Variants in CIMIP2C observed in about 807,000 individuals in gnomAD.
CIMIP2C encodes UPF0573 protein C2orf70.
the CIMIP2C span, chr2:26,579,422 T>C: frequency 6.2e-7 from 1 of 1,613,700 alleles, no homozygotes; most frequent in African/African-American, 1.3e-5. Flanking sequence ...GACTGCTACT[T>C]TGAGTTCAGA....
the CIMIP2C span, chr2:26,571,981 A>G: frequency 1.2e-6 from 1 of 805,224 alleles, no homozygotes; most frequent in Non-Finnish European, 1.8e-6. Context: ...AGTAGATTTG[A>G]GATAAGTGTT....
the CIMIP2C span, chr2:26,579,462 T>A: frequency 1.2e-6 from 2 of 1,607,780 alleles, no homozygotes; most frequent in Non-Finnish European, 1.7e-6. Context: ...GAGCAGAGCC[T>A]GATGCCTGAG....
the CIMIP2C span, among the ~76,000 whole-genome samples, chr2:26,573,007 C>G: frequency 6.6e-6 from 1 of 152,278 alleles, no homozygotes; most frequent in African/African-American, 2.4e-5. Flanking sequence ...AACTTGCTTA[C>G]ACGTCACAGG....
At chr2:26,566,980 G>C in the CIMIP2C span, among the ~76,000 whole-genome samples, 1 of 152,232 alleles carries the variant, frequency 6.6e-6, no homozygotes, top group Non-Finnish European at 1.5e-5. Flanking sequence ...AAAGTGCTGG[G>C]ATTATAGAAG....
the CIMIP2C span, among the ~76,000 whole-genome samples, chr2:26,567,414 C>T: frequency 6.6e-6 from 1 of 152,240 alleles, no homozygotes; most frequent in Non-Finnish European, 1.5e-5. Flanking sequence ...CTGTAAGTTT[C>T]CTGAGACTTC....
At chr2:26,574,791 G>A in the CIMIP2C span, among the ~76,000 whole-genome samples, 436 of 152,354 alleles carry the variant, frequency 2.9e-3, 3 homozygotes, top group African/African-American at 0.01. Context: ...GGAAGGGAGA[G>A]GTGGGTGATG....
the CIMIP2C span, among the ~76,000 whole-genome samples, chr2:26,567,649 C>T: frequency 2.0e-5 from 3 of 152,218 alleles, no homozygotes; most frequent in African/African-American, 7.2e-5. Flanking sequence ...CAGGCCCTGG[C>T]ACCCGAGGTG....
chr2:26,564,519 G>A, the CIMIP2C span, among the ~76,000 whole-genome samples: 1 of 152,208 alleles, frequency 6.6e-6, no homozygotes, highest in East Asian at 1.9e-4. Flanking sequence ...AGCTGAGCCC[G>A]TATCTGCTGC....
the CIMIP2C span, chr2:26,575,885 C>T: frequency 1.8e-5 from 29 of 1,609,432 alleles, no homozygotes; most frequent in Admixed American, 3.3e-5. Context: ...CTCCACCACC[C>T]CCACCGTGAT....
the CIMIP2C span, among the ~76,000 whole-genome samples, chr2:26,569,384 T>C: frequency 6.6e-6 from 1 of 152,178 alleles, no homozygotes; most frequent in African/African-American, 2.4e-5. Context: ...GCGGAGGGAC[T>C]GACACCTGGC....
chr2:26,572,037 GA>G, the CIMIP2C span: 1 of 1,454,672 alleles, frequency 6.9e-7, no homozygotes. Flanking sequence ...CACTATAGGA[GA>G]GAGAGAGAGG....
At chr2:26,575,996 A>G in the CIMIP2C span, 1 of 1,614,082 alleles carries the variant, frequency 6.2e-7, no homozygotes, top group Non-Finnish European at 8.5e-7. Context: ...CAACAGAGCC[A>G]TGGAGAAGAG....
At chr2:26,567,538 T>A in the CIMIP2C span, among the ~76,000 whole-genome samples, 1 of 152,234 alleles carries the variant, frequency 6.6e-6, no homozygotes, top group Non-Finnish European at 1.5e-5. Context: ...GCCAGCTTCC[T>A]GGGGCCTGGG....
At chr2:26,570,495 C>T in the CIMIP2C span, among the ~76,000 whole-genome samples, 3 of 152,200 alleles carry the variant, frequency 2.0e-5, no homozygotes, top group Admixed American at 1.3e-4. Context: ...CAAGTTCATT[C>T]GGGTCTGAGT....
the CIMIP2C span, among the ~76,000 whole-genome samples, chr2:26,572,361 T>C: frequency 3.3e-5 from 5 of 152,038 alleles, no homozygotes; most frequent in Non-Finnish European, 7.4e-5. Context: ...TTTTTTTTTT[T>C]TTTCTCTTGA....
chr2:26,577,140 A>G, the CIMIP2C span, among the ~76,000 whole-genome samples: 1 of 152,174 alleles, frequency 6.6e-6, no homozygotes, highest in African/African-American at 2.4e-5. Flanking sequence ...TGCCCCGTAC[A>G]GTGGGGAAGG....
chr2:26,562,698 G>A, the CIMIP2C span: 1 of 1,560,412 alleles, frequency 6.4e-7, no homozygotes, highest in Non-Finnish European at 8.7e-7. Context: ...TAAGGCCGAG[G>A]GAGCGCCTCC....
At chr2:26,577,154 G>A in the CIMIP2C span, among the ~76,000 whole-genome samples, 1 of 152,216 alleles carries the variant, frequency 6.6e-6, no homozygotes, top group Admixed American at 6.5e-5. Flanking sequence ...GGGAAGGAGA[G>A]GGGGGAGGAA....
the CIMIP2C span, among the ~76,000 whole-genome samples, chr2:26,566,300 G>C: frequency 1.3e-3 from 200 of 152,308 alleles, no homozygotes; most frequent in Non-Finnish European, 2.4e-3. Flanking sequence ...CTGTCACTGA[G>C]CTGGACCTCG....
Sources: gnomAD v4.1 joint callset for allele counts (sites outside exome capture counted in the v4.1 genomes callset) on GRCh38, gnomAD v4.1.1 for gene constraint, MANE v1.5 for transcripts, NCBI Gene and HGNC (gene_info 2026-07-23, HGNC 2026-07-21) for gene names.